The following MYRFL variants were observed in gnomAD, a reference collection of about 807,000 sequenced individuals.
MYRFL encodes the protein myelin regulatory factor-like protein.
A neutral mutation model predicts 109.4 loss-of-function variants in MYRFL; 88 were observed. That is an observed-to-expected ratio of 0.80 (90% CI 0.68 to 0.96). The LOEUF is 0.96. MYRFL is among the 40% of genes least tolerant of loss of function. The probability of loss-of-function intolerance (pLI) is 0.00; values close to 1 mark genes in which losing one functional copy is unlikely to be tolerated. For synonymous variants in MYRFL, 324 were observed against 320.9 expected, an observed-to-expected ratio of 1.01 and a Z score of -0.10; for missense variants, 957 against 954.9, an observed-to-expected ratio of 1.00 and a Z score of -0.03.
intron 1 of MYRFL, among the ~76,000 whole-genome samples, chr12:69,836,424 C>G (rs965029805): frequency 6.6e-6 from 1 of 152,148 alleles, no homozygotes; most frequent in Non-Finnish European, 1.5e-5. Context: ...CCCTCCTCTA[C>G]CCAGCACTCC....
At chr12:69,900,640 A>G (rs1432386437) in intron 10 of MYRFL, among the ~76,000 whole-genome samples, 1 of 152,176 alleles carries the variant, frequency 6.6e-6, no homozygotes, top group East Asian at 1.9e-4. Flanking sequence ...AGGTGCAAAA[A>G]TGGACTTCCT....
chr12:69,952,153 C>T lies in MYRFL; in HGVS notation c.2265C>T (p.Ser755=), dbSNP rs1271140234. 11 of 1,536,012 alleles carry T rather than the reference C, an allele frequency of 7.2e-6. No homozygotes were observed. The highest frequency in any genetic ancestry group is 2.4e-5 in the East Asian group (1 of 40,912). The change falls in exon 20 of 25, where the codon AGC becomes AGT. Residue 755 remains serine, a synonymous_variant. Coordinates refer to ENST00000552032, the MANE Select transcript of MYRFL (RefSeq NM_182530.3). ...SKSVLARNAL[S]GPDWESDWID... ...CAGTTTTGGCAAGAAATGCACTCAG[C>T]GGCCCTGACTGGGAGAGTGACTGTA...
At chr12:69,928,759 GGAGCTAAA>G (rs2083834974) in intron 15 of MYRFL, among the ~76,000 whole-genome samples, 2 of 152,084 alleles carry the variant, frequency 1.3e-5, no homozygotes, top group African/African-American at 4.8e-5. Flanking sequence ...TAGGATTAGG[GGAGCTAAA>G]GCTCTTTGCA....
chr12:69,931,810 C>T (rs1272484670), intron 15 of MYRFL, among the ~76,000 whole-genome samples: 1 of 152,144 alleles, frequency 6.6e-6, no homozygotes, highest in African/African-American at 2.4e-5. Context: ...TGGCCTGTTC[C>T]CCATATGCAA....
At chr12:69,891,717 G>T (rs898383705) in intron 7 of MYRFL, among the ~76,000 whole-genome samples, 1 of 54,626 alleles carries the variant, frequency 1.8e-5, no homozygotes, top group African/African-American at 5.3e-5. Context: ...TTTTTTCTTT[G>T]AGACATGGTC....
chr12:69,910,679 A>C, intron 12 of MYRFL, 142 bp from the exon 13 acceptor site: 1 of 444,546 alleles, frequency 2.2e-6, no homozygotes, highest in Non-Finnish European at 3.8e-6. Context: ...AAACACTCCC[A>C]CTTTTAATCC....
At chr12:69,833,388 G>A (rs550141708) in intron 1 of MYRFL, among the ~76,000 whole-genome samples, 54 of 152,294 alleles carry the variant, frequency 3.5e-4, no homozygotes, top group African/African-American at 1.3e-3. Context: ...GGAAAAGAAG[G>A]TTGTATGTGA....
rs757156962 is a variant in MYRFL, at chr12:69,886,950, A to T, written c.687A>T (p.Leu229Phe). ...ATAGTGTTCCTTGGCACAGCTTATT[A>T]AACAGTCATTATGAAAAACTGTAAG... The part of the protein sequence containing the change: ...PCHSVPWHSL[L>F]NSHYEKLPDV... Residue 229 changes from leucine (L) to phenylalanine (F), a missense_variant, in exon 6 of 25, where the codon TTA becomes TTT. Leu to Phe is a conservative substitution (Grantham distance 22). Coordinates refer to ENST00000552032, the MANE Select transcript of MYRFL (RefSeq NM_182530.3). 4 of 1,535,862 alleles carry T rather than the reference A, an allele frequency of 2.6e-6. No homozygotes were observed. The South Asian group carries it at 4.8e-5, about 18-fold the overall frequency.
intron 19 of MYRFL, among the ~76,000 whole-genome samples, chr12:69,940,192 C>A (rs1415788915): frequency 2.6e-5 from 4 of 152,110 alleles, no homozygotes; most frequent in East Asian, 3.9e-4. Context: ...GATTCAGGAA[C>A]TACAGAGAAC....
In MYRFL at chr12:69,938,244, G is replaced by A. The variant is rs149357923; in HGVS notation, c.2224+1612G>A. Among the ~76,000 whole-genome samples, 945 of 152,330 alleles carry A rather than the reference G, an allele frequency of 6.2e-3. 7 individuals are homozygous for A. The highest frequency in any genetic ancestry group is 0.021 in the African/African-American group (871 of 41,578). On this transcript the variant is annotated intron_variant, in intron 19 of 24. Coordinates refer to ENST00000552032, the MANE Select transcript of MYRFL (RefSeq NM_182530.3). The stretch of plus-strand genomic sequence containing the variant: ...CCCTTGTGAAAGCACATGGAACCTT[G>A]TGGCTGGTAAACACTTTTCTTACTT...
At chr12:69,941,811 C>G (rs1459556771) in intron 19 of MYRFL, among the ~76,000 whole-genome samples, 4 of 151,642 alleles carry the variant, frequency 2.6e-5, no homozygotes, top group African/African-American at 4.9e-5. Context: ...GAAAAAAAGA[C>G]AGAAGAATCA....
In MYRFL at chr12:69,880,373, C is replaced by A. The variant is rs563211427; in HGVS notation, c.556+81C>A. 32 of 654,652 alleles carry A rather than the reference C, an allele frequency of 4.9e-5. No homozygotes were observed. The South Asian group carries it at 5.3e-4, about 11-fold the overall frequency. 40.6% of individuals were successfully genotyped at this position (654,652 alleles called of 1,614,324 possible). A position where few individuals can be genotyped will look rare whatever the true frequency, so the allele number is the denominator to read the frequency against. On this transcript the variant is annotated intron_variant, in intron 5 of 24. Coordinates refer to ENST00000552032, the MANE Select transcript of MYRFL (RefSeq NM_182530.3). ...GCAAGGCTTTTTACCAGCCTTTGAG[C>A]AGCCCTGCAAAAGTTTCCCTCTCAC...
At chr12:69,832,755 G>T (rs1043118776) in intron 1 of MYRFL, among the ~76,000 whole-genome samples, 12 of 152,122 alleles carry the variant, frequency 7.9e-5, no homozygotes, top group Admixed American at 2.6e-4. Context: ...GGTAGAAAAT[G>T]ACATTAGAGT....
chr12:69,916,423 T>C (rs908199100), intron 13 of MYRFL, among the ~76,000 whole-genome samples: 1 of 152,176 alleles, frequency 6.6e-6, no homozygotes, highest in Non-Finnish European at 1.5e-5. Flanking sequence ...GGAGGACAGA[T>C]GGCTTCTCAA....
chr12:69,893,989 A>ATTTTTT (rs60637559), intron 8 of MYRFL, 149 bp downstream of exon 8: 17 of 113,152 alleles, frequency 1.5e-4, no homozygotes, highest in African/African-American at 2.1e-4. Context: ...AATAATGTTA[A>ATTTTTT]TTTTTTTTTT....
At chr12:69,930,938 G>A (rs10879057) in intron 15 of MYRFL, among the ~76,000 whole-genome samples, 19,542 of 152,048 alleles carry the variant, frequency 0.13, 1,872 homozygotes, top group East Asian at 0.47. Flanking sequence ...AGGGCATTTA[G>A]GGTTTTCTCA....
chr12:69,936,082 T>TTTTTG, intron 16 of MYRFL, 31 bp from the exon 17 acceptor site: 2 of 996,038 alleles, frequency 2.0e-6, no homozygotes, highest in Non-Finnish European at 2.6e-6. Context: ...CATAATGTTT[T>TTTTTG]TTTTTTTTTT....
At chr12:69,895,589 G>A (rs1953962187) in intron 9 of MYRFL, 108 bp downstream of exon 9, 2 of 756,784 alleles carry the variant, frequency 2.6e-6, no homozygotes, top group Admixed American at 5.0e-5. Context: ...CCAGAACACA[G>A]GGCCTCTAAG....
chr12:69,958,686 G>A lies in MYRFL; in HGVS notation c.*155G>A. The A allele has an allele frequency of 1.7e-6, 1 of 589,800 alleles. No individual in the cohort carries two copies. The highest frequency in any genetic ancestry group is 2.9e-6 in the Non-Finnish European group (1 of 341,098). The allele number at this position is 589,800 out of a possible 1,614,324, so 36.5% of individuals were successfully genotyped here. A position where few individuals can be genotyped will look rare whatever the true frequency, so the allele number is the denominator to read the frequency against. ...AGGCTTTAGCTTCCAACAGTTTTGAGACATTAATGAGGAGAATAAAATGTT... is the reference window on the plus strand; with the variant it reads ...AGGCTTTAGCTTCCAACAGTTTTGAAACATTAATGAGGAGAATAAAATGTT... On this transcript the variant is annotated 3_prime_UTR_variant, in exon 25 of 25. Transcript: ENST00000552032.
Sources: gnomAD v4.1 joint callset for allele counts (sites outside exome capture counted in the v4.1 genomes callset) on GRCh38, gnomAD v4.1.1 for gene constraint, MANE v1.5 for transcripts, NCBI Gene and HGNC (gene_info 2026-07-23, HGNC 2026-07-21) for gene names.